RAB27B: variants seen among roughly 807,000 people sequenced by gnomAD.
RAB27B encodes ras-related protein Rab-27B.
A neutral mutation model predicts 24.6 loss-of-function variants in RAB27B; 15 were observed. The observed-to-expected ratio is 0.61, with a 90% CI of 0.41 to 0.94. RAB27B has a LOEUF of 0.94. Ranked by LOEUF, RAB27B falls within the 40% of genes least tolerant of loss-of-function variation. RAB27B has a pLI of 0.00. For synonymous variants in RAB27B, 105 were observed against 92.5 expected (o/e 1.14, Z -0.78); for missense variants, 261 against 266.8 (o/e 0.98, Z 0.15).
chr18:54,883,989 C>T (rs1049773199), intron 3 of RAB27B, among the ~76,000 whole-genome samples: 4 of 152,100 alleles, frequency 2.6e-5, no homozygotes, highest in African/African-American at 9.7e-5. Context: ...GTTAAAGTCC[C>T]CACTCTAAAG....
intron 2 of RAB27B, among the ~76,000 whole-genome samples, chr18:54,778,663 G>T (rs1908792115): frequency 6.6e-6 from 1 of 151,932 alleles, no homozygotes; most frequent in Non-Finnish European, 1.5e-5. Flanking sequence ...TCTGTTTATG[G>T]CCATCTTCTG....
intron 2 of RAB27B, among the ~76,000 whole-genome samples, chr18:54,749,055 A>C (rs528501124): frequency 6.6e-6 from 1 of 152,174 alleles, no homozygotes; most frequent in East Asian, 1.9e-4. Context: ...TGCCCTTAGA[A>C]GAATAGGTGA....
At chr18:54,836,990 C>A (rs1484942621) in intron 1 of RAB27B, among the ~76,000 whole-genome samples, 2 of 150,456 alleles carry the variant, frequency 1.3e-5, no homozygotes, top group Non-Finnish European at 3.0e-5. Flanking sequence ...TTTTGTCTAT[C>A]TGATTTTTTG....
rs1336199735 is a variant in RAB27B, at chr18:54,775,891, C to G, written c.-20+57750C>G. On this transcript the variant is annotated intron_variant, in intron 2 of 4. Transcript: ENST00000586570. ...TCAACATCATCCACCTACTGGGCGT[C>G]TAGGTGCCTTGCAGTGCACCAGGCA... Among the ~76,000 whole-genome samples, 7 of 152,208 alleles carry G rather than the reference C, an allele frequency of 4.6e-5. No homozygotes were observed. The South Asian group carries it at 1.4e-3, about 31-fold the overall frequency.
chr18:54,725,158 A>T (rs922178553), intron 2 of RAB27B, among the ~76,000 whole-genome samples: 2 of 151,568 alleles, frequency 1.3e-5, no homozygotes, highest in African/African-American at 4.8e-5. Flanking sequence ...GGTGCCACTT[A>T]TGACTTATCT....
chr18:54,850,359 T>TATATATATATATATATATAC (rs1491518141), intron 1 of RAB27B, among the ~76,000 whole-genome samples: 55 of 126,856 alleles, frequency 4.3e-4, no homozygotes, highest in South Asian at 2.8e-3. Flanking sequence ...TATATATATA[T>TATATATATATATATATATAC]ACATACATAC....
chr18:54,736,507 A>T (rs957611007), intron 2 of RAB27B, among the ~76,000 whole-genome samples: 1 of 152,144 alleles, frequency 6.6e-6, no homozygotes, highest in African/African-American at 2.4e-5. Flanking sequence ...TTAGGTGCCT[A>T]TTACATGAAC....
chr18:54,827,191 G>A (rs1443408864), upstream of RAB27B, among the ~76,000 whole-genome samples: 1 of 152,208 alleles, frequency 6.6e-6, no homozygotes, highest in East Asian at 1.9e-4. Context: ...CTTTTATGCA[G>A]TAGATCCAAA....
At chr18:54,762,688 CCTGG>C (rs775674892) in intron 2 of RAB27B, among the ~76,000 whole-genome samples, 89 of 152,138 alleles carry the variant, frequency 5.8e-4, no homozygotes, top group Non-Finnish European at 1.0e-3. Context: ...TGAGGTCTTC[CCTGG>C]TGATCTAATT....
intron 2 of RAB27B, among the ~76,000 whole-genome samples, chr18:54,804,040 C>T (rs1042347029): frequency 1.3e-5 from 2 of 152,096 alleles, no homozygotes; most frequent in Non-Finnish European, 2.9e-5. Flanking sequence ...TTATGGGGCT[C>T]TTCCTATTAA....
intron 2 of RAB27B, among the ~76,000 whole-genome samples, chr18:54,765,177 C>T (rs1908322713): frequency 6.6e-6 from 1 of 152,104 alleles, no homozygotes; most frequent in African/African-American, 2.4e-5. Context: ...ACGATTTTTA[C>T]ATTCTGCTTA....
chr18:54,818,981 C>A (rs922042207), intron 2 of RAB27B, among the ~76,000 whole-genome samples: 2 of 151,638 alleles, frequency 1.3e-5, no homozygotes, highest in African/African-American at 4.8e-5. Flanking sequence ...TAGGGATTTT[C>A]TTCCAGCCAC....
chr18:54,875,347 T>A (rs1239288161), intron 1 of RAB27B, among the ~76,000 whole-genome samples: 1 of 152,096 alleles, frequency 6.6e-6, no homozygotes, highest in Non-Finnish European at 1.5e-5. Flanking sequence ...AAATTTTTTT[T>A]TGGAGAATCT....
chr18:54,831,008 G>A (rs1000968305), intron 1 of RAB27B, among the ~76,000 whole-genome samples: 6 of 152,208 alleles, frequency 3.9e-5, no homozygotes, highest in African/African-American at 1.4e-4. Flanking sequence ...TGTGTGGACA[G>A]AAGTGGACCA....
chr18:54,727,984 C>T (rs902443707), intron 2 of RAB27B, among the ~76,000 whole-genome samples: 1 of 152,154 alleles, frequency 6.6e-6, no homozygotes, highest in Non-Finnish European at 1.5e-5. Context: ...GCATAAAATA[C>T]GGCAGGTTTG....
intron 1 of RAB27B, among the ~76,000 whole-genome samples, chr18:54,838,543 C>T (rs534407499): frequency 2.0e-5 from 3 of 152,228 alleles, no homozygotes; most frequent in Admixed American, 1.3e-4. Context: ...CCTACTTGTT[C>T]GATTGAGATA....
chr18:54,841,230 A>G (rs1384993474), intron 1 of RAB27B, among the ~76,000 whole-genome samples: 1 of 149,416 alleles, frequency 6.7e-6, no homozygotes, highest in African/African-American at 2.5e-5. Flanking sequence ...CATTATCCAT[A>G]GATTTAGCCA....
intron 2 of RAB27B, among the ~76,000 whole-genome samples, chr18:54,757,017 G>A (rs561223895): frequency 1.6e-4 from 24 of 152,254 alleles, no homozygotes; most frequent in Non-Finnish European, 2.6e-4. Flanking sequence ...ATCGCTAGAG[G>A]TCTGGATAGA....
chr18:54,795,001 T>C (rs909952455), intron 2 of RAB27B, among the ~76,000 whole-genome samples: 6 of 152,244 alleles, frequency 3.9e-5, no homozygotes, highest in Admixed American at 6.5e-5. Flanking sequence ...AAACTTTCCA[T>C]TCCTAACTGC....
Sources: gnomAD v4.1 joint callset for allele counts (sites outside exome capture counted in the v4.1 genomes callset) on GRCh38, gnomAD v4.1.1 for gene constraint, MANE v1.5 for transcripts, NCBI Gene and HGNC (gene_info 2026-07-23, HGNC 2026-07-21) for gene names.